Variants in TIRAP observed in about 807,000 individuals in gnomAD.
TIRAP encodes the protein toll/interleukin-1 receptor domain-containing adapter protein.
TIRAP carries 20 observed loss-of-function variants against 19.8 expected under a neutral mutation model. The observed-to-expected ratio is 1.01, with a 90% CI of 0.71 to 1.47. The LOEUF (loss-of-function observed/expected upper bound fraction) is 1.47. Ranked by LOEUF, TIRAP falls within the 40% of genes most tolerant of loss-of-function variation. TIRAP has a pLI of 0.00. For missense variants in TIRAP, 276 were observed against 285.1 expected (o/e 0.97, Z 0.23); for synonymous variants, 125 against 121.7 (o/e 1.03, Z -0.18).
Position 126,293,855 on chromosome 11 carries a change from C to T in TIRAP, c.*168C>T, listed in dbSNP as rs1320719346. The T allele has an allele frequency of 2.7e-6, 2 of 748,970 alleles. No individual in the cohort carries two copies. The highest frequency in any genetic ancestry group is 4.6e-6 in the Non-Finnish European group (2 of 433,844). The allele number at this position is 748,970 out of a possible 1,614,324, so 46.4% of individuals were successfully genotyped here. A position where few individuals can be genotyped will look rare whatever the true frequency, so the allele number is the denominator to read the frequency against. On this transcript the variant is annotated 3_prime_UTR_variant, in exon 5 of 5. Transcript: ENST00000392679. ...CCCATCAGGCTTCCATTACTGTGGGCTCCCTAAGAAGACCATGGAGAGCTT... is the reference window on the plus strand; with the variant it reads ...CCCATCAGGCTTCCATTACTGTGGGTTCCCTAAGAAGACCATGGAGAGCTT...
At chr11:126,293,284 T>C in intron 4 of TIRAP, 1 of 789,776 alleles carries the variant, frequency 1.3e-6, no homozygotes, top group Non-Finnish European at 2.1e-6. Context: ...CAGGTTTCCA[T>C]TGCTATGAAA....
At chr11:126,285,172 G>A (rs564049159) in intron 1 of TIRAP, among the ~76,000 whole-genome samples, 337 of 148,812 alleles carry the variant, frequency 2.3e-3, no homozygotes, top group African/African-American at 7.1e-3. Context: ...TTTTTCTGTC[G>A]TCTTACTAGT....
chr11:126,293,237 C>G (rs1301593865), intron 4 of TIRAP, 182 bp downstream of exon 4: 2 of 1,086,980 alleles, frequency 1.8e-6, no homozygotes, highest in South Asian at 1.4e-5. Context: ...GGCCAAGTTA[C>G]TCACCCGCTC....
chr11:126,289,622 A>C (rs1951358498), intron 1 of TIRAP: 3 of 982,606 alleles, frequency 3.1e-6, no homozygotes, highest in Admixed American at 6.1e-5. Flanking sequence ...GTGTCTAATA[A>C]TACTTGCTTC....
chr11:126,292,767 C>T lies in TIRAP; in HGVS notation c.358C>T (p.Leu120Phe). The T allele has an allele frequency of 6.2e-7, 1 of 1,613,196 alleles. No homozygotes were observed. The highest frequency in any genetic ancestry group is 8.5e-7 in the Non-Finnish European group (1 of 1,179,756). Residue 120 changes from leucine to phenylalanine, a missense_variant, in exon 4 of 5, where the codon CTC (leucine) becomes TTC (phenylalanine). Leu to Phe is a conservative substitution (Grantham distance 22). Coordinates refer to ENST00000392679, the MANE Select transcript of TIRAP (RefSeq NM_001318777.2). ...STASLRCFLQLRDATPGGAIV... is the reference protein window; with the variant it reads ...STASLRCFLQFRDATPGGAIV... ...TGCCAGCCTGCGCTGCTTCCTGCAACTCCGGGATGCAACCCCAGGCGGCGC... is the reference window on the plus strand; with the variant it reads ...TGCCAGCCTGCGCTGCTTCCTGCAATTCCGGGATGCAACCCCAGGCGGCGC...
chr11:126,292,340 G>T, intron 3 of TIRAP, 137 bp from the exon 4 acceptor site: 1 of 820,766 alleles, frequency 1.2e-6, no homozygotes, highest in Non-Finnish European at 1.9e-6. Context: ...ACAGGTCTCT[G>T]AGAATAAGAT....
rs552322718 is a variant in TIRAP, at chr11:126,289,703, G to C, written c.-216-759G>C. 4 of 985,318 alleles carry C rather than the reference G, an allele frequency of 4.1e-6. No individual in the cohort carries two copies. In the African/African-American group the frequency reaches 5.2e-5, roughly 13 times the overall value. 61.0% of individuals were successfully genotyped at this position (985,318 alleles called of 1,614,324 possible). ...AAAGCAGCCCTGTGCCAGTTGCTCT[G>C]CCAGCCTTTCACAGGAGAAGTGTCA... On this transcript the variant is annotated intron_variant, in intron 1 of 4. Transcript: ENST00000392679.
rs1951332129 is a variant in TIRAP at position 126,287,269 on chromosome 11, T to A, written c.-216-3193T>A. On this transcript the variant is annotated intron_variant, in intron 1 of 4. Coordinates refer to ENST00000392679, the MANE Select transcript of TIRAP (RefSeq NM_001318777.2). This position sits in a 1 kb window ranked among gnomAD's most constrained non-coding sequence, Gnocchi z 4.2. ...CACAGGCTCCAGTACATTCCCTATA[T>A]AATAGAAATTGGAGACCAGTTTGAT... Among the ~76,000 whole-genome samples the A allele has an allele frequency of 6.6e-6, 1 of 152,166 alleles. No homozygotes were observed. Among genetic ancestry groups the A allele is most frequent in the African/African-American group, 2.4e-5 (1 of 41,444 alleles).
intron 4 of TIRAP, 149 bp downstream of exon 4, chr11:126,293,204 T>A (rs574902729): frequency 6.9e-7 from 1 of 1,439,568 alleles, no homozygotes; most frequent in Non-Finnish European, 9.4e-7. Context: ...CTCCTGCACT[T>A]ATTAACCCAT....
chr11:126,293,069 G>A lies in TIRAP; in HGVS notation c.646+14G>A, dbSNP rs1951427021. ...CTGTCATGCGTTGTAAGCTACTACA[G>A]GAGGGAGAAGGGGAACGGGATTCAG... On this transcript the variant is annotated intron_variant, in intron 4 of 4. Coordinates refer to ENST00000392679, the MANE Select transcript of TIRAP (RefSeq NM_001318777.2). 2 of 1,613,982 alleles carry A rather than the reference G, an allele frequency of 1.2e-6. No homozygotes were observed. The highest frequency in any genetic ancestry group is 2.2e-5 in the East Asian group (1 of 44,902).
rs1051439428 is a variant in TIRAP at position 126,290,593 on chromosome 11, T to G, written c.-93+8T>G. 4.4e-6 allele frequency: 5 copies of G among 1,144,198 alleles called. No individual in the cohort carries two copies. In the African/African-American group the frequency reaches 6.5e-5, roughly 15 times the overall value. The allele number at this position is 1,144,198 out of a possible 1,614,324, so 70.9% of individuals were successfully genotyped here. ...ATGCTGAGCTCATACCCTGTAAGTC[T>G]GACCACACTACACAGCTTTGGCTTT... On this transcript the variant is annotated splice_region_variant and intron_variant, in intron 2 of 4. Coordinates refer to ENST00000392679, the MANE Select transcript of TIRAP (RefSeq NM_001318777.2). The surrounding 1 kb of genome is among the most constrained non-coding windows in gnomAD (Gnocchi z 4.9).
rs747487950 is a variant in TIRAP at position 126,287,478 on chromosome 11, G to A, written c.-216-2984G>A. Among the ~76,000 whole-genome samples the A allele has an allele frequency of 1.5e-4, 23 of 151,926 alleles. No individual in the cohort carries two copies. Among genetic ancestry groups the A allele is most frequent in the East Asian group, 7.8e-4 (4 of 5,160 alleles). On this transcript the variant is annotated intron_variant, in intron 1 of 4. Coordinates refer to ENST00000392679, the MANE Select transcript of TIRAP (RefSeq NM_001318777.2). This position sits in a 1 kb window ranked among gnomAD's most constrained non-coding sequence, Gnocchi z 4.2. ...TGGGATTACAGGCACGCACCACCACGCTTAGCTAATTTTTGTATTTTTAGT... is the reference window on the plus strand; with the variant it reads ...TGGGATTACAGGCACGCACCACCACACTTAGCTAATTTTTGTATTTTTAGT...
Position 126,291,368 on chromosome 11 carries a change from C to A in TIRAP, c.67+407C>A. 9.1e-7 allele frequency: 1 copy of A among 1,104,644 alleles called. No individual in the cohort carries two copies. The highest frequency in any genetic ancestry group is 1.2e-6 in the Non-Finnish European group (1 of 813,234). 68.4% of individuals were successfully genotyped at this position (1,104,644 alleles called of 1,614,324 possible). On this transcript the variant is annotated intron_variant, in intron 3 of 4. Coordinates refer to ENST00000392679, the MANE Select transcript of TIRAP (RefSeq NM_001318777.2). The surrounding 1 kb of genome is among the most constrained non-coding windows in gnomAD (Gnocchi z 5.6). The stretch of plus-strand genomic sequence containing the variant: ...CAAAGGCTGGGGAAGCTGTTTTCAT[C>A]TCCTTATGGAGTCCCATACTCCAAA...
intron 1 of TIRAP, chr11:126,289,983 T>G (rs1445130358): frequency 3.7e-6 from 1 of 272,834 alleles, no homozygotes; most frequent in Non-Finnish European, 5.6e-6. Context: ...TGGGAAACGT[T>G]AACATTACAA....
rs768403294 is a variant in TIRAP at position 126,292,907 on chromosome 11, C to T, written c.498C>T (p.Thr166=). Residue 166 remains threonine (T), a synonymous_variant, in exon 4 of 5, where the codon ACC becomes ACT. Transcript: ENST00000392679. The part of the protein sequence containing the change: ...WCKYQMLQAL[T]EAPGAEGCTI... ...AGTACCAGATGCTGCAGGCCCTGAC[C>T]GAGGCTCCAGGGGCCGAGGGCTGCA... is the stretch of plus-strand genomic sequence containing the variant. The T allele has an allele frequency of 1.7e-5, 27 of 1,613,546 alleles. No homozygotes were observed. In the East Asian group the frequency reaches 3.1e-4, roughly 19 times the overall value.
chr11:126,283,466 G>A (rs1450489740), intron 1 of TIRAP, among the ~76,000 whole-genome samples: 2 of 152,250 alleles, frequency 1.3e-5, no homozygotes, highest in Non-Finnish European at 2.9e-5. Context: ...CGCTCAGTGC[G>A]TTGTGGATAT....
rs1439070680 is a variant in TIRAP at position 126,288,450 on chromosome 11, GCT to G, written c.-216-2010_-216-2009del. The G allele has an allele frequency of 6.6e-6, 1 of 152,200 alleles. No homozygotes were observed. Among genetic ancestry groups the G allele is most frequent in the Non-Finnish European group, 1.5e-5 (1 of 68,038 alleles). 9.4% of individuals were successfully genotyped at this position (152,200 alleles called of 1,614,324 possible). ...TGTTTGAATATGTGACAGTTCCACA[GCT>G]CCAGCTACAAAAGAACTGAAAAGGA... On this transcript the variant is annotated intron_variant, in intron 1 of 4. Coordinates refer to ENST00000392679, the MANE Select transcript of TIRAP (RefSeq NM_001318777.2). The surrounding 1 kb of genome is among the most constrained non-coding windows in gnomAD (Gnocchi z 5.0).
chr11:126,289,588 A>G, intron 1 of TIRAP: 1 of 952,812 alleles, frequency 1.0e-6, no homozygotes, highest in Non-Finnish European at 1.2e-6. Flanking sequence ...ACATTCTTTA[A>G]ATTTTGAAAC....
intron 1 of TIRAP, 88 bp downstream of exon 1, chr11:126,283,241 G>T: frequency 1.3e-6 from 1 of 768,344 alleles, no homozygotes; most frequent in Non-Finnish European, 1.6e-6. Context: ...CTGGGCCCCA[G>T]AGTCCCGGCC....
Sources: allele counts gnomAD v4.1 joint callset (sites outside exome capture counted in the v4.1 genomes callset), GRCh38; gene constraint gnomAD v4.1.1; non-coding constraint Gnocchi (gnomAD v3.1); transcripts MANE v1.5; gene names NCBI Gene and HGNC (gene_info 2026-07-23, HGNC 2026-07-21).